SAMMSON: variants seen among roughly 807,000 people sequenced by gnomAD.
The protein encoded by SAMMSON is long intergenic non-protein coding RNA 1212.
At chr3:70,022,446 A>G (rs1206443252) in intron 3 of SAMMSON, among the ~76,000 whole-genome samples, 2 of 151,184 alleles carry the variant, frequency 1.3e-5, no homozygotes, top group African/African-American at 4.8e-5. Context: ...AAAAAAAAAA[A>G]AAAAGAAATT....
chr3:70,065,356 A>G (rs1181296162), intron 3 of SAMMSON: 1 of 152,050 alleles, frequency 6.6e-6, no homozygotes, highest in Non-Finnish European at 1.5e-5. Context: ...TTCGAAATCC[A>G]TGTCTTAATT....
intron 2 of SAMMSON, among the ~76,000 whole-genome samples, chr3:70,420,718 T>C (rs1002971927): frequency 6.6e-6 from 1 of 152,144 alleles, no homozygotes; most frequent in Non-Finnish European, 1.5e-5. Context: ...CAGGAGGAGA[T>C]TGTGGGAAGT....
chr3:70,029,243 TAA>T (rs1421294766), intron 3 of SAMMSON, among the ~76,000 whole-genome samples: 68 of 99,408 alleles, frequency 6.8e-4, no homozygotes, highest in African/African-American at 3.8e-3. Context: ...TACATAATAA[TAA>T]GAGTAATTCT....
intron 9 of SAMMSON, among the ~76,000 whole-genome samples, chr3:70,378,731 C>G (rs1703040676): frequency 6.6e-6 from 1 of 152,036 alleles, no homozygotes; most frequent in Non-Finnish European, 1.5e-5. Context: ...TTGTAAGAAT[C>G]TACCCCAAAA....
chr3:70,085,678 T>C (rs2067282998), intron 4 of SAMMSON, among the ~76,000 whole-genome samples: 1 of 152,222 alleles, frequency 6.6e-6, no homozygotes, highest in African/African-American at 2.4e-5. Flanking sequence ...ATTTTGTTAA[T>C]ATTTTAATAA....
chr3:70,131,552 A>G (rs1309502909), intron 4 of SAMMSON, among the ~76,000 whole-genome samples: 1 of 152,178 alleles, frequency 6.6e-6, no homozygotes, highest in African/African-American at 2.4e-5. Context: ...AATCATGAAC[A>G]GGAAGAACAG....
At chr3:70,137,796 A>T (rs972590560) in intron 4 of SAMMSON, 2 of 152,144 alleles carry the variant, frequency 1.3e-5, no homozygotes, top group Non-Finnish European at 2.9e-5. Flanking sequence ...TTTTTTACAC[A>T]CTTATTTTTT....
At chr3:70,021,639 C>A (rs181012226) in intron 3 of SAMMSON, among the ~76,000 whole-genome samples, 1 of 152,060 alleles carries the variant, frequency 6.6e-6, no homozygotes, top group African/African-American at 2.4e-5. Context: ...TTCAGTGGAA[C>A]GGCTCAAAGA....
intron 4 of SAMMSON, among the ~76,000 whole-genome samples, chr3:70,162,035 C>A (rs2067617502): frequency 1.3e-5 from 2 of 151,512 alleles, no homozygotes; most frequent in South Asian, 4.1e-4. Context: ...TCTTTTCTTC[C>A]TGGCTGAATT....
chr3:70,114,354 G>A (rs991597644), intron 4 of SAMMSON, among the ~76,000 whole-genome samples: 12 of 152,120 alleles, frequency 7.9e-5, no homozygotes, highest in Middle Eastern at 3.2e-3. Flanking sequence ...TTTGACTTCC[G>A]GTAGAAAATA....
chr3:70,114,052 G>T (rs2067400249), intron 4 of SAMMSON, among the ~76,000 whole-genome samples: 1 of 152,196 alleles, frequency 6.6e-6, no homozygotes, highest in African/African-American at 2.4e-5. Context: ...GCTGACTAAT[G>T]CAATAGGGTT....
At chr3:70,048,324 T>A (rs2067134492) in intron 3 of SAMMSON, among the ~76,000 whole-genome samples, 1 of 152,130 alleles carries the variant, frequency 6.6e-6, no homozygotes, top group African/African-American at 2.4e-5. Flanking sequence ...GGCAGATGAC[T>A]TAACCTCTCT....
intron 6 of SAMMSON, among the ~76,000 whole-genome samples, chr3:70,254,573 G>T (rs994424543): frequency 6.6e-6 from 1 of 152,128 alleles, no homozygotes; most frequent in African/African-American, 2.4e-5. Flanking sequence ...CTAATGGTGA[G>T]GTGGCAGAGG....
intron 2 of SAMMSON, among the ~76,000 whole-genome samples, chr3:70,419,961 T>A (rs982714370): frequency 6.6e-6 from 1 of 152,196 alleles, no homozygotes; most frequent in African/African-American, 2.4e-5. Flanking sequence ...CATAGAGTTT[T>A]TTGTCTTGGT....
At chr3:70,042,638 G>A (rs529819064) in intron 3 of SAMMSON, among the ~76,000 whole-genome samples, 2 of 152,066 alleles carry the variant, frequency 1.3e-5, no homozygotes, top group Non-Finnish European at 2.9e-5. Flanking sequence ...TAGGTGAAGA[G>A]GTTGAGTTGT....
At chr3:70,231,764 G>A (rs1261054539) in intron 4 of SAMMSON, among the ~76,000 whole-genome samples, 1 of 152,112 alleles carries the variant, frequency 6.6e-6, no homozygotes, top group Non-Finnish European at 1.5e-5. Flanking sequence ...CCAGTCCCAC[G>A]ACTGCCCCCT....
intron 4 of SAMMSON, among the ~76,000 whole-genome samples, chr3:70,092,893 A>G (rs2067309733): frequency 1.5e-5 from 2 of 135,588 alleles, no homozygotes; most frequent in Admixed American, 8.3e-5. Flanking sequence ...TGTGTTGTCT[A>G]GTGTTTTTGT....
chr3:70,045,109 AT>A (rs1380386189), intron 3 of SAMMSON, among the ~76,000 whole-genome samples: 3 of 86,610 alleles, frequency 3.5e-5, no homozygotes, highest in Non-Finnish European at 9.0e-5. Context: ...ATATATTATA[AT>A]TTATATATAT....
At chr3:70,341,888 A>T (rs1178061821) in intron 7 of SAMMSON, among the ~76,000 whole-genome samples, 1 of 152,210 alleles carries the variant, frequency 6.6e-6, no homozygotes, top group Non-Finnish European at 1.5e-5. Context: ...TATACAAAAG[A>T]ATATTTACAA....
Sources: gnomAD v4.1 joint callset for allele counts (sites outside exome capture counted in the v4.1 genomes callset) on GRCh38, gnomAD v4.1.1 for gene constraint, MANE v1.5 for transcripts, NCBI Gene and HGNC (gene_info 2026-07-23, HGNC 2026-07-21) for gene names.